The following SNTG1 variants were observed in gnomAD, a reference collection of about 807,000 sequenced individuals.
The protein encoded by SNTG1 is gamma-1-syntrophin.
In SNTG1, 39 loss-of-function variants were observed where a neutral mutation model predicts 74.7. The observed-to-expected ratio is 0.52, with a 90% CI of 0.40 to 0.68. SNTG1 has a LOEUF of 0.68. Ranked by LOEUF, SNTG1 falls within the 30% of genes least tolerant of loss-of-function variation. SNTG1 has a pLI of 0.00. For synonymous variants in SNTG1, 254 were observed against 217.1 expected (o/e 1.17, Z -1.49); for missense variants, 685 against 609.5 (o/e 1.12, Z -1.30).
chr8:50,784,580 C>A (rs565606985), intron 18 of SNTG1, among the ~76,000 whole-genome samples: 2 of 152,160 alleles, frequency 1.3e-5, no homozygotes, highest in South Asian at 4.1e-4. Context: ...AAGGTACCAC[C>A]AATTAGTTGT....
intron 2 of SNTG1, among the ~76,000 whole-genome samples, chr8:50,185,390 A>G (rs980086731): frequency 4.6e-5 from 7 of 152,202 alleles, no homozygotes; most frequent in Non-Finnish European, 7.3e-5. Context: ...TTTCTTTATA[A>G]GGTATCCAGT....
intron 2 of SNTG1, among the ~76,000 whole-genome samples, chr8:50,206,601 A>G (rs1248083859): frequency 6.6e-6 from 1 of 152,070 alleles, no homozygotes; most frequent in Non-Finnish European, 1.5e-5. Context: ...TTCCAACACT[A>G]TTTTGACTAG....
At chr8:50,242,765 T>C (rs962649615) in intron 2 of SNTG1, among the ~76,000 whole-genome samples, 1 of 149,980 alleles carries the variant, frequency 6.7e-6, no homozygotes, top group Non-Finnish European at 1.5e-5. Context: ...AATTATCTAT[T>C]ATCATATATT....
At chr8:49,970,270 G>T (rs9650160) in intron 1 of SNTG1, among the ~76,000 whole-genome samples, 16,592 of 152,106 alleles carry the variant, frequency 0.11, 1,101 homozygotes, top group South Asian at 0.22. Context: ...ACAGCTTCAA[G>T]AATTGTTTAT....
chr8:50,280,751 A>C (rs2088394044), intron 2 of SNTG1, among the ~76,000 whole-genome samples: 1 of 152,146 alleles, frequency 6.6e-6, no homozygotes, highest in Non-Finnish European at 1.5e-5. Context: ...GTGGAGATAA[A>C]TTGTAGATGA....
intron 1 of SNTG1, among the ~76,000 whole-genome samples, chr8:49,995,257 T>C (rs1210087671): frequency 6.6e-6 from 1 of 152,200 alleles, no homozygotes; most frequent in Non-Finnish European, 1.5e-5. Context: ...AAAGGACAGT[T>C]GCAGCTATAT....
At chr8:50,121,214 G>A (rs778784196) in intron 1 of SNTG1, among the ~76,000 whole-genome samples, 3 of 141,966 alleles carry the variant, frequency 2.1e-5, no homozygotes, top group Non-Finnish European at 3.1e-5. Context: ...TTATTGAACT[G>A]GATGCTTGAA....
chr8:50,111,803 C>T (rs1361077070), intron 1 of SNTG1, among the ~76,000 whole-genome samples: 1 of 151,258 alleles, frequency 6.6e-6, no homozygotes, highest in African/African-American at 2.4e-5. Flanking sequence ...ACTCTGTGGC[C>T]AAATAACAGG....
At chr8:50,457,975 A>G (rs1316097513) in intron 8 of SNTG1, 1 of 152,194 alleles carries the variant, frequency 6.6e-6, no homozygotes, top group African/African-American at 2.4e-5. Context: ...TTTTTTAGTG[A>G]AATTGATCTA....
intron 1 of SNTG1, among the ~76,000 whole-genome samples, chr8:50,161,201 G>T (rs1004164634): frequency 6.6e-6 from 1 of 152,142 alleles, no homozygotes. Flanking sequence ...TCAAAAAGAT[G>T]ACTTCAGCAG....
chr8:50,313,997 T>A (rs1452507863), intron 2 of SNTG1, among the ~76,000 whole-genome samples: 2 of 149,662 alleles, frequency 1.3e-5, no homozygotes, highest in Non-Finnish European at 2.9e-5. Context: ...TAATACCCAA[T>A]CTTATATATA....
chr8:50,350,320 C>A (rs1486350691), intron 2 of SNTG1, among the ~76,000 whole-genome samples: 1 of 152,182 alleles, frequency 6.6e-6, no homozygotes, highest in Non-Finnish European at 1.5e-5. Context: ...CTGCAGGGGA[C>A]TGGCAGGCAG....
At chr8:50,398,894 C>A (rs1018117574) in intron 3 of SNTG1, among the ~76,000 whole-genome samples, 5 of 152,166 alleles carry the variant, frequency 3.3e-5, no homozygotes, top group Admixed American at 2.0e-4. Flanking sequence ...CGCTCCACTG[C>A]ACTCCAGCCT....
intron 13 of SNTG1, among the ~76,000 whole-genome samples, chr8:50,630,910 A>G (rs1440389474): frequency 1.3e-5 from 2 of 152,212 alleles, no homozygotes; most frequent in Non-Finnish European, 2.9e-5. Context: ...TCCAAAAGTC[A>G]GATACATCCG....
At chr8:49,960,409 T>C (rs1810571110) in intron 1 of SNTG1, among the ~76,000 whole-genome samples, 1 of 152,198 alleles carries the variant, frequency 6.6e-6, no homozygotes, top group African/African-American at 2.4e-5. Flanking sequence ...TTAAATTGTA[T>C]GTTTTTGGGC....
At chr8:50,316,791 C>T (rs1216520295) in intron 2 of SNTG1, among the ~76,000 whole-genome samples, 2 of 152,002 alleles carry the variant, frequency 1.3e-5, no homozygotes, top group Non-Finnish European at 2.9e-5. Context: ...ATGCAATCAA[C>T]AAATACATAT....
intron 2 of SNTG1, among the ~76,000 whole-genome samples, chr8:50,179,085 T>C (rs1462492561): frequency 6.6e-6 from 1 of 152,200 alleles, no homozygotes; most frequent in East Asian, 1.9e-4. Flanking sequence ...CATTGTGTCT[T>C]CTTTGTGGCC....
intron 12 of SNTG1, among the ~76,000 whole-genome samples, chr8:50,583,760 TG>T (rs200064578): frequency 6.6e-6 from 1 of 151,968 alleles, no homozygotes; most frequent in South Asian, 2.1e-4. Context: ...TCTTCAGATT[TG>T]TTTTTTCTTT....
intron 1 of SNTG1, among the ~76,000 whole-genome samples, chr8:50,094,507 TA>T (rs1473266031): frequency 3.3e-5 from 5 of 151,642 alleles, no homozygotes; most frequent in African/African-American, 9.7e-5. Context: ...ACAACCCTAT[TA>T]AAAAATGAGC....
Sources: allele counts gnomAD v4.1 joint callset (sites outside exome capture counted in the v4.1 genomes callset), GRCh38; gene constraint gnomAD v4.1.1; transcripts MANE v1.5; gene names NCBI Gene and HGNC (gene_info 2026-07-23, HGNC 2026-07-21).